Variants in SBSPON observed in about 807,000 individuals in gnomAD.
SBSPON encodes somatomedin-B and thrombospondin type-1 domain-containing protein.
In SBSPON, 30 loss-of-function variants were observed where a neutral mutation model predicts 35.8. The observed-to-expected ratio is 0.84, with a 90% CI of 0.63 to 1.14. The LOEUF (loss-of-function observed/expected upper bound fraction) is 1.14. SBSPON is among the 50% of genes most tolerant of loss of function. SBSPON has a pLI of 0.00. For missense variants in SBSPON, 364 were observed against 357.7 expected (o/e 1.02, Z -0.14); for synonymous variants, 136 against 135.9 (o/e 1.00, Z 0.00).
intron 1 of SBSPON, among the ~76,000 whole-genome samples, chr8:73,086,422 G>A (rs1414694107): frequency 2.0e-5 from 3 of 151,918 alleles, no homozygotes; most frequent in African/African-American, 7.3e-5. Context: ...TTGGCCTCCC[G>A]AAGTGCTGGG....
chr8:73,083,169 C>T (rs1056609348), intron 1 of SBSPON, among the ~76,000 whole-genome samples: 2 of 152,156 alleles, frequency 1.3e-5, no homozygotes, highest in Non-Finnish European at 2.9e-5. Flanking sequence ...CTCAAAATTA[C>T]AGAATCAATC....
In SBSPON at chr8:73,077,358, G is replaced by A. The variant is rs535014579; in HGVS notation, c.409+3661C>T. Among the ~76,000 whole-genome samples the A allele has an allele frequency of 3.0e-4, 45 of 152,346 alleles. No homozygotes were observed. The South Asian group carries it at 4.8e-3, about 16-fold the overall frequency. ...TGCAAACATGAGGGATTCGTGTGCC[G>A]CGCCTCAAAGGCGCCTGATCTGCGA... On this transcript the variant is annotated intron_variant, in intron 2 of 4. Transcript: ENST00000297354.
At chr8:73,070,965 C>G (rs1810483880) in intron 3 of SBSPON, among the ~76,000 whole-genome samples, 1 of 152,084 alleles carries the variant, frequency 6.6e-6, no homozygotes, top group Non-Finnish European at 1.5e-5. Context: ...GTAAGAAATC[C>G]TACAATGTGG....
At chr8:73,074,829 C>T (rs971459458) in intron 2 of SBSPON, among the ~76,000 whole-genome samples, 1 of 152,116 alleles carries the variant, frequency 6.6e-6, no homozygotes, top group African/African-American at 2.4e-5. Flanking sequence ...GTACCATGGC[C>T]CCTGGTATGT....
Position 73,081,177 on chromosome 8 carries a change from C to T in SBSPON, c.251G>A (p.Ser84Asn), listed in dbSNP as rs1227979383. Residue 84 changes from serine (S) to asparagine (N), a missense_variant, in exon 2 of 5, where the codon AGT becomes AAT. By Grantham distance (46) the Ser-to-Asn change is conservative (BLOSUM62 1). Coordinates refer to ENST00000297354, the MANE Select transcript of SBSPON (RefSeq NM_153225.4). Reference protein sequence around the residue: ...PCFVGEWSPWSGCADQCKPTT... With the variant: ...PCFVGEWSPWNGCADQCKPTT... ...AGGCTTGCACTGGTCTGCACAACCACTCCAGGGGCTCCATTCCCCCACGAA... is the reference window on the plus strand; with the variant it reads ...AGGCTTGCACTGGTCTGCACAACCATTCCAGGGGCTCCATTCCCCCACGAA... The T allele has an allele frequency of 1.3e-6, 2 of 1,597,788 alleles. No individual in the cohort carries two copies. The highest frequency in any genetic ancestry group is 2.3e-5 in the East Asian group (1 of 44,028).
chr8:73,084,859 CT>C (rs1182754470), intron 1 of SBSPON, among the ~76,000 whole-genome samples: 1 of 151,562 alleles, frequency 6.6e-6, no homozygotes, highest in Non-Finnish European at 1.5e-5. Context: ...TTCATAATTA[CT>C]TATTCATTTG....
chr8:73,082,097 A>G (rs79000919), intron 1 of SBSPON, among the ~76,000 whole-genome samples: 2,753 of 152,320 alleles, frequency 0.018, 74 homozygotes, highest in African/African-American at 0.062. Context: ...TCCTTCCTTG[A>G]TTGTGAAGTC....
At chr8:73,088,026 G>C (rs1810867261) in intron 1 of SBSPON, among the ~76,000 whole-genome samples, 1 of 152,142 alleles carries the variant, frequency 6.6e-6, no homozygotes, top group African/African-American at 2.4e-5. Flanking sequence ...CCCTTTCTTA[G>C]AGGAGGTGGG....
chr8:73,071,721 ATTGAC>A (rs1417373204), intron 3 of SBSPON, 54 bp downstream of exon 3: 1 of 1,031,640 alleles, frequency 9.7e-7, no homozygotes, highest in Non-Finnish European at 1.5e-6. Flanking sequence ...ACCCTCTTGC[ATTGAC>A]TTGACTATAC....
intron 1 of SBSPON, among the ~76,000 whole-genome samples, chr8:73,084,649 TG>T (rs1355193219): frequency 1.3e-5 from 2 of 152,140 alleles, no homozygotes; most frequent in Non-Finnish European, 2.9e-5. Flanking sequence ...TGGGCATGGC[TG>T]GGTCCCACTC....
At chr8:73,082,630 C>T (rs1468061277) in intron 1 of SBSPON, among the ~76,000 whole-genome samples, 1 of 152,240 alleles carries the variant, frequency 6.6e-6, no homozygotes, top group Non-Finnish European at 1.5e-5. Context: ...AGCCACGTTA[C>T]AGTTCATTCC....
intron 1 of SBSPON, among the ~76,000 whole-genome samples, chr8:73,089,129 T>C (rs905809705): frequency 1.3e-5 from 2 of 152,348 alleles, no homozygotes; most frequent in African/African-American, 4.8e-5. Flanking sequence ...AGATGATCAA[T>C]ATCCTTCTAT....
chr8:73,083,249 C>T (rs1231792980), intron 1 of SBSPON, among the ~76,000 whole-genome samples: 1 of 152,086 alleles, frequency 6.6e-6, no homozygotes, highest in Non-Finnish European at 1.5e-5. Context: ...TTTTCCAATC[C>T]ATGATTTTAA....
At position 73,065,054 on chromosome 8, in the gene SBSPON, A is replaced by C. The variant is rs1230297015; in HGVS notation, c.*2287T>G. On this transcript the variant is annotated 3_prime_UTR_variant, in exon 5 of 5. Coordinates refer to ENST00000297354, the MANE Select transcript of SBSPON (RefSeq NM_153225.4). ...ATTCATCACTTGGACTACATGTTTC[A>C]GTTCTGAACTATTTCCCTTGGGCTT... The C allele has an allele frequency of 6.6e-6, 1 of 152,202 alleles. No homozygotes were observed. Among genetic ancestry groups the C allele is most frequent in the Non-Finnish European group, 1.5e-5 (1 of 68,032 alleles). The allele number at this position is 152,202 out of a possible 1,614,324, so 9.4% of individuals were successfully genotyped here.
chr8:73,073,414 A>T (rs1258969035), intron 2 of SBSPON, among the ~76,000 whole-genome samples: 4 of 152,258 alleles, frequency 2.6e-5, no homozygotes, highest in Non-Finnish European at 4.4e-5. Flanking sequence ...TGAAGCCTAC[A>T]TGTTGATTTT....
intron 4 of SBSPON, among the ~76,000 whole-genome samples, chr8:73,068,346 G>A (rs1361683184): frequency 3.3e-5 from 5 of 152,058 alleles, no homozygotes; most frequent in African/African-American, 1.2e-4. Flanking sequence ...AGGCACTAGT[G>A]ACTAATAAAC....
At chr8:73,086,738 C>T (rs1810833622) in intron 1 of SBSPON, among the ~76,000 whole-genome samples, 1 of 151,992 alleles carries the variant, frequency 6.6e-6, no homozygotes, top group South Asian at 2.1e-4. Flanking sequence ...ATTTTATATA[C>T]TATGTAACCC....
Position 73,069,888 on chromosome 8 carries a change from TCC to T in SBSPON, c.592_593del (p.Gly198IlefsTer39). The T allele has an allele frequency of 6.2e-7, 1 of 1,613,654 alleles. No individual in the cohort carries two copies. The highest frequency in any genetic ancestry group is 8.5e-7 in the Non-Finnish European group (1 of 1,179,612). Reference protein sequence around the residue: ...LTRWMQYLREGYTVCVDCQPP... With the variant: ...LTRWMQYLREXYTVCVDCQPP... Reference sequence around the variant, plus strand: ...GCTGACAATCCACACACACCGTGTATCCCTCTCGGAGATACTGCATCCATCTA... The same window carrying T: ...GCTGACAATCCACACACACCGTGTATCTCTCGGAGATACTGCATCCATCTA... On this transcript the variant is annotated frameshift_variant, in exon 4 of 5. Transcript: ENST00000297354. LOFTEE classifies it high-confidence loss of function.
At chr8:73,075,096 T>G (rs79628096) in intron 2 of SBSPON, among the ~76,000 whole-genome samples, 1 of 152,164 alleles carries the variant, frequency 6.6e-6, no homozygotes, top group Non-Finnish European at 1.5e-5. Flanking sequence ...TCCAGGCTGG[T>G]CTTCTGGGGC....
Sources: gnomAD v4.1 joint callset for allele counts (sites outside exome capture counted in the v4.1 genomes callset) on GRCh38, gnomAD v4.1.1 for gene constraint, MANE v1.5 for transcripts, NCBI Gene and HGNC (gene_info 2026-07-23, HGNC 2026-07-21) for gene names.